LRRTM4: variants seen among roughly 807,000 people sequenced by gnomAD.
LRRTM4 encodes the protein leucine-rich repeat transmembrane neuronal protein 4.
In LRRTM4, 25 loss-of-function variants were observed where a neutral mutation model predicts 47.6. The ratio of observed to expected loss-of-function variants is 0.53; its 90% CI spans 0.38 to 0.73. LRRTM4 has a LOEUF of 0.73. LRRTM4 is among the 30% of genes least tolerant of loss of function. The pLI is 0.00. For missense variants in LRRTM4, 638 were observed against 713.4 expected, an observed-to-expected ratio of 0.89 and a Z score of 1.20; for synonymous variants, 311 against 269.5, an observed-to-expected ratio of 1.15 and a Z score of -1.51.
At chr2:77,241,997 C>T (rs1675281548) in intron 3 of LRRTM4, among the ~76,000 whole-genome samples, 1 of 152,078 alleles carries the variant, frequency 6.6e-6, no homozygotes, top group Non-Finnish European at 1.5e-5. Context: ...TCAGTCCATA[C>T]ATCTGTCTTT....
chr2:77,328,204 G>C (rs1670849897), intron 3 of LRRTM4, among the ~76,000 whole-genome samples: 1 of 152,162 alleles, frequency 6.6e-6, no homozygotes, highest in African/African-American at 2.4e-5. Flanking sequence ...CTGAGATTAA[G>C]TTAAATTTAA....
intron 3 of LRRTM4, among the ~76,000 whole-genome samples, chr2:76,794,161 G>A (rs767328980): frequency 4.6e-5 from 7 of 152,224 alleles, no homozygotes; most frequent in Non-Finnish European, 1.0e-4. Context: ...ATGTAGGCCA[G>A]AGGTGAGTTT....
intron 3 of LRRTM4, among the ~76,000 whole-genome samples, chr2:77,183,571 C>G (rs1176014792): frequency 1.3e-5 from 2 of 152,090 alleles, no homozygotes; most frequent in Admixed American, 1.3e-4. Flanking sequence ...CCCAGCCATC[C>G]CATTACTGGG....
Position 76,862,674 on chromosome 2 carries a change from A to G in LRRTM4, c.1552-113758T>C, listed in dbSNP as rs76570770. Among the ~76,000 whole-genome samples, 555 of 152,310 alleles carry G rather than the reference A, an allele frequency of 3.6e-3. 1 individual carries two copies. The highest frequency in any genetic ancestry group is 0.013 in the African/African-American group (533 of 41,572). On this transcript the variant is annotated intron_variant, in intron 3 of 3. Transcript: ENST00000409884. ...ACACAAACACACAGTGATATGCATA[A>G]AATAAGGCATTGATAAGAGCAGAGG...
chr2:76,977,898 G>A (rs186789718), intron 3 of LRRTM4, among the ~76,000 whole-genome samples: 9 of 152,106 alleles, frequency 5.9e-5, no homozygotes, highest in Admixed American at 2.6e-4. Context: ...ACAGTGGGAT[G>A]TCCTTTTTTG....
chr2:76,988,653 T>G (rs1446719), intron 3 of LRRTM4, among the ~76,000 whole-genome samples: 7,167 of 151,900 alleles, frequency 0.047, 359 homozygotes, highest in East Asian at 0.14. Context: ...ACTTAGTCAT[T>G]ACATTGCATA....
At chr2:77,488,055 C>T (rs1456509388) in intron 3 of LRRTM4, among the ~76,000 whole-genome samples, 1 of 152,160 alleles carries the variant, frequency 6.6e-6, no homozygotes, top group Non-Finnish European at 1.5e-5. Flanking sequence ...CTGAAACAGA[C>T]CCCTAGCTTG....
chr2:77,393,160 CCTT>C (rs1673570584), intron 3 of LRRTM4, among the ~76,000 whole-genome samples: 1 of 151,802 alleles, frequency 6.6e-6, no homozygotes, highest in Non-Finnish European at 1.5e-5. Flanking sequence ...CTAGAAATCT[CCTT>C]CTTCATTCAA....
chr2:76,777,577 T>C (rs1674099723), intron 3 of LRRTM4, among the ~76,000 whole-genome samples: 1 of 144,074 alleles, frequency 6.9e-6, no homozygotes, highest in Admixed American at 6.9e-5. Flanking sequence ...TGTTGGTGTA[T>C]AAGAATGCTT....
At chr2:77,486,810 A>G (rs573699278) in intron 3 of LRRTM4, among the ~76,000 whole-genome samples, 4 of 152,210 alleles carry the variant, frequency 2.6e-5, no homozygotes, top group African/African-American at 9.6e-5. Flanking sequence ...CACTTTTTGT[A>G]CGTAAGGATG....
intron 3 of LRRTM4, among the ~76,000 whole-genome samples, chr2:77,422,757 T>C (rs190598940): frequency 2.0e-5 from 3 of 152,268 alleles, no homozygotes; most frequent in Admixed American, 2.0e-4. Context: ...TACAGGAATA[T>C]GGTATGATGT....
At chr2:77,049,157 T>TATACATATATAC (rs1351971551) in intron 3 of LRRTM4, among the ~76,000 whole-genome samples, 1 of 106,378 alleles carries the variant, frequency 9.4e-6, no homozygotes, top group African/African-American at 5.1e-5. Context: ...TATATATATA[T>TATACATATATAC]ACACACACAC....
At chr2:77,362,863 G>T (rs547225644) in intron 3 of LRRTM4, among the ~76,000 whole-genome samples, 1 of 152,282 alleles carries the variant, frequency 6.6e-6, no homozygotes, top group South Asian at 2.1e-4. Context: ...ACAGTCATCT[G>T]TAAAGAACTC....
At position 77,453,326 on chromosome 2, in the gene LRRTM4, C is replaced by T. The variant is rs111482573; in HGVS notation, c.1551+64992G>A. Among the ~76,000 whole-genome samples, 36 of 151,754 alleles carry T rather than the reference C, an allele frequency of 2.4e-4. 1 individual carries two copies. In the East Asian group the frequency reaches 2.7e-3, roughly 12 times the overall value. On this transcript the variant is annotated intron_variant, in intron 3 of 3. Coordinates refer to ENST00000409884, the MANE Select transcript of LRRTM4 (RefSeq NM_001134745.3). ...CCTCTCAAGCAGCTGGGACCACAGG[C>T]GCCCACCACCACGCCTGGCTAATTT...
In LRRTM4 at chr2:77,280,171, G is replaced by A. The variant is rs149161453; in HGVS notation, c.1551+238147C>T. Reference sequence around the variant, plus strand: ...TGTAAATATGGAAGAAAAGCAGAGAGAAATACACCATGGCTGGCTTTGGAG... The same window carrying A: ...TGTAAATATGGAAGAAAAGCAGAGAAAAATACACCATGGCTGGCTTTGGAG... On this transcript the variant is annotated intron_variant, in intron 3 of 3. Coordinates refer to ENST00000409884, the MANE Select transcript of LRRTM4 (RefSeq NM_001134745.3). Among the ~76,000 whole-genome samples the A allele has an allele frequency of 3.1e-3, 468 of 152,052 alleles. 3 individuals are homozygous for A. Among genetic ancestry groups the A allele is most frequent in the African/African-American group, 0.011 (448 of 41,522 alleles).
chr2:77,036,448 A>C (rs949125314), intron 3 of LRRTM4, among the ~76,000 whole-genome samples: 18 of 151,616 alleles, frequency 1.2e-4, no homozygotes, highest in Non-Finnish European at 1.9e-4. Flanking sequence ...TACTTTAAGG[A>C]TCTTGCTCAG....
chr2:77,018,261 T>A (rs1229021893), intron 3 of LRRTM4, among the ~76,000 whole-genome samples: 1 of 135,344 alleles, frequency 7.4e-6, no homozygotes, highest in Non-Finnish European at 1.5e-5. Flanking sequence ...CTTGATTGCT[T>A]TTTTTTTTTT....
intron 3 of LRRTM4, among the ~76,000 whole-genome samples, chr2:77,327,856 GAAGAA>G (rs1670834686): frequency 6.6e-6 from 1 of 152,078 alleles, no homozygotes; most frequent in Admixed American, 6.6e-5. Context: ...AGCCAAGAAA[GAAGAA>G]AAGAGTAAAG....
intron 3 of LRRTM4, among the ~76,000 whole-genome samples, chr2:76,771,163 A>G (rs938532137): frequency 4.6e-5 from 7 of 152,224 alleles, no homozygotes; most frequent in African/African-American, 1.7e-4. Flanking sequence ...TGTTGAAAAT[A>G]CAGTGACACA....
Sources: allele counts gnomAD v4.1 joint callset (sites outside exome capture counted in the v4.1 genomes callset), GRCh38; gene constraint gnomAD v4.1.1; transcripts MANE v1.5; gene names NCBI Gene and HGNC (gene_info 2026-07-23, HGNC 2026-07-21).